Variants in CNTNAP2 observed in about 807,000 individuals in gnomAD.
The protein encoded by CNTNAP2 is contactin associated protein 2, also known as contactin-associated protein-like 2.
A neutral mutation model predicts 155.2 loss-of-function variants in CNTNAP2; 98 were observed. The observed-to-expected ratio is 0.63, with a 90% CI of 0.54 to 0.75. The LOEUF (loss-of-function observed/expected upper bound fraction) is 0.75. Among genes scored for constraint, CNTNAP2 ranks in the 30% least tolerant of loss-of-function variants. The pLI, the probability that CNTNAP2 is intolerant of heterozygous loss-of-function variation, is 0.00. For synonymous variants in CNTNAP2, 651 were observed against 631.2 expected, an observed-to-expected ratio of 1.03 and a Z score of -0.47; for missense variants, 1,727 against 1,688.1, an observed-to-expected ratio of 1.02 and a Z score of -0.40.
intron 3 of CNTNAP2, among the ~76,000 whole-genome samples, chr7:146,938,733 C>G (rs1169855026): frequency 6.6e-6 from 1 of 151,816 alleles, no homozygotes; most frequent in African/African-American, 2.4e-5. Flanking sequence ...TCTGTATATT[C>G]CTTATTAGCC....
intron 3 of CNTNAP2, among the ~76,000 whole-genome samples, chr7:146,988,056 A>G (rs1383919817): frequency 3.3e-5 from 5 of 152,072 alleles, no homozygotes; most frequent in African/African-American, 7.2e-5. Context: ...CTGAAATTCT[A>G]TGATTTAGTT....
intron 13 of CNTNAP2, among the ~76,000 whole-genome samples, chr7:147,736,056 C>T (rs1275653665): frequency 6.9e-6 from 1 of 145,212 alleles, no homozygotes; most frequent in Non-Finnish European, 1.6e-5. Context: ...GAACTTGATC[C>T]TGTCATTATG....
At chr7:146,751,678 A>T (rs1354132854) in intron 1 of CNTNAP2, among the ~76,000 whole-genome samples, 1 of 152,098 alleles carries the variant, frequency 6.6e-6, no homozygotes, top group Non-Finnish European at 1.5e-5. Flanking sequence ...TTACACAGTT[A>T]TACATGTGCC....
intron 15 of CNTNAP2, among the ~76,000 whole-genome samples, chr7:148,075,235 A>C (rs1803462358): frequency 6.6e-6 from 1 of 152,152 alleles, no homozygotes; most frequent in Non-Finnish European, 1.5e-5. Flanking sequence ...TTAGGAGTTC[A>C]AGATCAGCCT....
intron 10 of CNTNAP2, among the ~76,000 whole-genome samples, chr7:147,457,666 G>A (rs565001601): frequency 6.6e-6 from 1 of 151,790 alleles, no homozygotes; most frequent in African/African-American, 2.4e-5. Context: ...TTAAATAAAT[G>A]AATGAACAAA....
intron 3 of CNTNAP2, among the ~76,000 whole-genome samples, chr7:146,925,511 ATTTG>A (rs1796589912): frequency 6.6e-6 from 1 of 152,092 alleles, no homozygotes; most frequent in Non-Finnish European, 1.5e-5. Context: ...TAAATTGATC[ATTTG>A]TTAATTATGT....
chr7:148,118,993 G>A (rs564244314), intron 16 of CNTNAP2, among the ~76,000 whole-genome samples: 25 of 152,176 alleles, frequency 1.6e-4, no homozygotes, highest in Non-Finnish European at 2.9e-4. Flanking sequence ...CTTGAGAAGC[G>A]CAATGCTTGC....
rs144487966 is a variant in CNTNAP2, at chr7:146,703,348, C to T, written c.98-70923C>T. Among the ~76,000 whole-genome samples, 713 of 151,894 alleles carry T rather than the reference C, an allele frequency of 4.7e-3. 6 individuals carry two copies. Among genetic ancestry groups the T allele is most frequent in the African/African-American group, 0.016 (653 of 41,466 alleles). On this transcript the variant is annotated intron_variant, in intron 1 of 23. Coordinates refer to ENST00000361727, the MANE Select transcript of CNTNAP2 (RefSeq NM_014141.6). ...TGACTTTTCTATTTGGTAATGTGTA[C>T]GAAAAAATGCAGAAATCAAACTGTG... is the stretch of plus-strand genomic sequence containing the variant.
At chr7:147,747,431 C>CT (rs540563715) in intron 13 of CNTNAP2, among the ~76,000 whole-genome samples, 6 of 152,116 alleles carry the variant, frequency 3.9e-5, no homozygotes, top group Non-Finnish European at 8.8e-5. Flanking sequence ...TATTTCTATT[C>CT]TTTTTTTATG....
At chr7:147,310,526 G>T (rs1434200568) in intron 9 of CNTNAP2, among the ~76,000 whole-genome samples, 1 of 152,146 alleles carries the variant, frequency 6.6e-6, no homozygotes, top group African/African-American at 2.4e-5. Context: ...TATCTAAAAT[G>T]CTCTTAAGTA....
intron 1 of CNTNAP2, among the ~76,000 whole-genome samples, chr7:146,751,533 T>A (rs138335577): frequency 6.6e-6 from 1 of 152,266 alleles, no homozygotes; most frequent in African/African-American, 2.4e-5. Context: ...AAGTATAACA[T>A]GGGTATACAT....
chr7:148,405,584 G>C (rs979151692), intron 22 of CNTNAP2, among the ~76,000 whole-genome samples: 8 of 134,998 alleles, frequency 5.9e-5, no homozygotes, highest in African/African-American at 8.4e-5. Flanking sequence ...CTACAGGCAC[G>C]TGCCACCATG....
chr7:146,285,707 TC>T (rs1186799479), intron 1 of CNTNAP2, among the ~76,000 whole-genome samples: 4 of 14,644 alleles, frequency 2.7e-4, no homozygotes, highest in African/African-American at 1.4e-3. Flanking sequence ...TCCCCTCCCC[TC>T]CCCTCCCCTC....
chr7:147,409,644 C>T (rs1362847163), intron 10 of CNTNAP2, among the ~76,000 whole-genome samples: 1 of 152,072 alleles, frequency 6.6e-6, no homozygotes, highest in Non-Finnish European at 1.5e-5. Context: ...TTTTTGCAAA[C>T]TATGCATCTG....
intron 15 of CNTNAP2, among the ~76,000 whole-genome samples, chr7:147,979,197 T>C (rs1254707210): frequency 6.6e-6 from 1 of 152,162 alleles, no homozygotes; most frequent in Non-Finnish European, 1.5e-5. Flanking sequence ...TCTACTTACA[T>C]TGAAAATGCT....
At chr7:147,475,086 C>T (rs1045557794) in intron 10 of CNTNAP2, among the ~76,000 whole-genome samples, 1 of 152,156 alleles carries the variant, frequency 6.6e-6, no homozygotes, top group Non-Finnish European at 1.5e-5. Flanking sequence ...TTTTTAATGG[C>T]TGTCAGGGGT....
Position 147,977,974 on chromosome 7 carries a change from C to G in CNTNAP2, c.2368C>G (p.Arg790Gly), listed in dbSNP as rs200089329. 3 of 1,613,982 alleles carry G rather than the reference C, an allele frequency of 1.9e-6. No homozygotes were observed. The highest frequency in any genetic ancestry group is 2.5e-6 in the Non-Finnish European group (3 of 1,179,970). ...AGCCAAATTGAGCGTAGGTCCTCTG[C>G]GCTGCCAAGGAGACAGTAAGTTTGC... is the stretch of plus-strand genomic sequence containing the variant. ...SEAKLSVGPLRCQGDRNYWNA... is the reference protein window; with the variant it reads ...SEAKLSVGPLGCQGDRNYWNA... Residue 790 changes from arginine to glycine, a missense_variant, in exon 15 of 24, where the codon CGC becomes GGC. Coordinates refer to ENST00000361727, the MANE Select transcript of CNTNAP2 (RefSeq NM_014141.6).
At chr7:147,456,909 T>C (rs907755970) in intron 10 of CNTNAP2, among the ~76,000 whole-genome samples, 1 of 152,132 alleles carries the variant, frequency 6.6e-6, no homozygotes, top group Non-Finnish European at 1.5e-5. Context: ...GTATAATCAT[T>C]TGGTGATAAG....
At chr7:146,989,968 A>C (rs1360376535) in intron 3 of CNTNAP2, among the ~76,000 whole-genome samples, 3 of 151,956 alleles carry the variant, frequency 2.0e-5, no homozygotes, top group African/African-American at 7.2e-5. Context: ...TACTTGGCTT[A>C]TATGGAAATC....
Sources: gnomAD v4.1 joint callset for allele counts (sites outside exome capture counted in the v4.1 genomes callset) on GRCh38, gnomAD v4.1.1 for gene constraint, MANE v1.5 for transcripts, NCBI Gene and HGNC (gene_info 2026-07-23, HGNC 2026-07-21) for gene names.